Variants in HAGHL observed in about 807,000 individuals in gnomAD.
HAGHL encodes hydroxyacylglutathione hydrolase like.
Under a neutral mutation model 29.2 loss-of-function variants are expected in HAGHL, and 27 were observed. The observed-to-expected ratio is 0.92, with a 90% confidence interval of 0.68 to 1.27. The LOEUF (loss-of-function observed/expected upper bound fraction) is 1.27. HAGHL is among the 50% of genes most tolerant of loss of function. The pLI is 0.00. For missense variants in HAGHL, 529 were observed against 405.5 expected (o/e 1.30, Z -2.62); for synonymous variants, 223 against 185.7 (o/e 1.20, Z -1.63).
rs1273291340 is a variant in HAGHL, at chr16:727,360, G to A, written c.-150G>A. ...GCGAGTGCCGGGGAGTTCCTGGGGA[G>A]CCGGGCTTCTCTTTTGGCCCCCAGC... On this transcript the variant is annotated 5_prime_UTR_variant, in exon 1 of 8. Coordinates refer to ENST00000389703, the MANE Select transcript of HAGHL (RefSeq NM_032304.4). 9.1e-6 allele frequency: 5 copies of A among 552,356 alleles called. No homozygotes were observed. The highest frequency in any genetic ancestry group is 4.0e-5 in the African/African-American group (2 of 50,214). 34.2% of individuals were successfully genotyped at this position (552,356 alleles called of 1,614,324 possible).
At position 728,833 on chromosome 16, in the gene HAGHL, G is replaced by C. The variant is rs1369231195; in HGVS notation, c.538G>C (p.Glu180Gln). ...CGHEHTLSNLEFAQKVEPCND... is the reference protein window; with the variant it reads ...CGHEHTLSNLQFAQKVEPCND... ...CCACGAGCACACGCTTAGCAACCTG[G>C]AGTTTGCCCAGAAAGTGGAGCCCTG... The change falls in exon 6 of 8, where the codon GAG becomes CAG. Residue 180 changes from glutamate (E) to glutamine (Q), a missense_variant. Glu to Gln is a conservative substitution (Grantham distance 29, BLOSUM62 2). Transcript: ENST00000389703. 3 of 1,611,974 alleles carry C rather than the reference G, an allele frequency of 1.9e-6. No homozygotes were observed. The East Asian group carries it at 6.7e-5, about 36-fold the overall frequency.
intron 7 of HAGHL, 75 bp downstream of exon 7, chr16:729,163 G>A (rs1254049801): frequency 1.9e-6 from 3 of 1,583,422 alleles, no homozygotes; most frequent in Non-Finnish European, 2.6e-6. Flanking sequence ...CTGCGTGTTG[G>A]GCTGAGTGAG....
chr16:727,761 G>C (rs1001939682), intron 1 of HAGHL, 147 bp downstream of exon 1: 3 of 725,450 alleles, frequency 4.1e-6, no homozygotes, highest in African/African-American at 3.6e-5. Context: ...GCTCCCTGAA[G>C]TTACGGCACC....
Position 728,388 on chromosome 16 carries a change from G to A in HAGHL, c.361G>A (p.Glu121Lys). ...TAGHMSYFLW[E>K]DDCPDPPALF... ...CGGCCACATGAGCTACTTCCTGTGG[G>A]AGGACGATTGCCCGGACCCACCCGC... is the stretch of plus-strand genomic sequence containing the variant. The change falls in exon 4 of 8, where the codon GAG becomes AAG. Residue 121 changes from glutamate (E) to lysine (K), a missense_variant. Transcript: ENST00000389703. 1.3e-6 allele frequency: 2 copies of A among 1,576,716 alleles called. No individual in the cohort carries two copies. The highest frequency in any genetic ancestry group is 1.7e-6 in the Non-Finnish European group (2 of 1,165,150).
chr16:727,694 C>A, intron 1 of HAGHL, 80 bp downstream of exon 1: 1 of 946,298 alleles, frequency 1.1e-6, no homozygotes. Context: ...GAGCGAGCCC[C>A]CACGTGCTCT....
At position 729,550 on chromosome 16, in the gene HAGHL, G is replaced by C. The variant is rs1159260526; in HGVS notation, c.*94G>C. 6.5e-7 allele frequency: 1 copy of C among 1,532,900 alleles called. No homozygotes were observed. The highest frequency in any genetic ancestry group is 1.4e-5 in the African/African-American group (1 of 72,936). The allele number at this position is 1,532,900 out of a possible 1,614,324, so 95.0% of individuals were successfully genotyped here. A position where few individuals can be genotyped will look rare whatever the true frequency, so the allele number is the denominator to read the frequency against. On this transcript the variant is annotated 3_prime_UTR_variant, in exon 8 of 8. Coordinates refer to ENST00000389703, the MANE Select transcript of HAGHL (RefSeq NM_032304.4). ...GAGGGCCACCTCTGGAACCTTCTTC[G>C]AGGCCCTGGCCAGCCATCTGCCCAG...
chr16:728,670 G>A, intron 5 of HAGHL, 66 bp downstream of exon 5: 1 of 1,262,754 alleles, frequency 7.9e-7, no homozygotes, highest in Non-Finnish European at 1.1e-6. Flanking sequence ...CACCCTCACT[G>A]TGCTAGGGGT....
intron 7 of HAGHL, 68 bp downstream of exon 7, chr16:729,156 CGTGTTGGGCTGA>C (rs762235256): frequency 3.4e-5 from 54 of 1,586,130 alleles, no homozygotes; most frequent in South Asian, 4.4e-5. Flanking sequence ...CTGGGGACTG[CGTGTTGGGCTGA>C]GTGAGCATCT....
chr16:729,560 C>G lies in HAGHL; in HGVS notation c.*104C>G. On this transcript the variant is annotated 3_prime_UTR_variant, in exon 8 of 8. Coordinates refer to ENST00000389703, the MANE Select transcript of HAGHL (RefSeq NM_032304.4). ...TCTGGAACCTTCTTCGAGGCCCTGG[C>G]CAGCCATCTGCCCAGCCTCGGAGGG... 6.5e-7 allele frequency: 1 copy of G among 1,532,592 alleles called. No homozygotes were observed. The allele number at this position is 1,532,592 out of a possible 1,614,324, so 94.9% of individuals were successfully genotyped here. A position where few individuals can be genotyped will look rare whatever the true frequency, so the allele number is the denominator to read the frequency against.
At position 728,989 on chromosome 16, in the gene HAGHL, G is replaced by A. The variant is rs773143663; in HGVS notation, c.601-20G>A. 5.6e-6 allele frequency: 9 copies of A among 1,598,674 alleles called. No individual in the cohort carries two copies. Among genetic ancestry groups the A allele is most frequent in the Admixed American group, 5.1e-5 (3 of 58,288 alleles). On this transcript the variant is annotated intron_variant, in intron 6 of 7. Coordinates refer to ENST00000389703, the MANE Select transcript of HAGHL (RefSeq NM_032304.4). ...TCTCAGACAAGGCCTAATGGTGACC[G>A]GGGCCTGTGGTCACTCCAGAAGAGG...
Position 727,529 on chromosome 16 carries a change from C to G in HAGHL, c.20C>G (p.Pro7Arg), listed in dbSNP as rs982780683. 1 of 1,610,524 alleles carries G rather than the reference C, an allele frequency of 6.2e-7. No individual in the cohort carries two copies. Among genetic ancestry groups the G allele is most frequent in the Non-Finnish European group, 8.5e-7 (1 of 1,178,620 alleles). Residue 7 changes from proline to arginine, a missense_variant, in exon 1 of 8, where the codon CCC becomes CGC. Coordinates refer to ENST00000389703, the MANE Select transcript of HAGHL (RefSeq NM_032304.4). The stretch of plus-strand genomic sequence containing the variant: ...GTGACCATGAAGGTCAAGGTCATCC[C>G]CGTGCTCGAGGACAACTACATGTAC... MKVKVI[P>R]VLEDNYMYLV...
chr16:729,251 C>A, intron 7 of HAGHL, 37 bp from the exon 8 acceptor site: 1 of 1,528,564 alleles, frequency 6.5e-7, no homozygotes. Context: ...CCCGCGTGGG[C>A]AGCGGGCCCT....
At position 729,606 on chromosome 16, in the gene HAGHL, G is replaced by T. The variant is rs183595960; in HGVS notation, c.*150G>T. 3 of 1,529,972 alleles carry T rather than the reference G, an allele frequency of 2.0e-6. No individual in the cohort carries two copies. Among genetic ancestry groups the T allele is most frequent in the Non-Finnish European group, 1.7e-6 (2 of 1,144,738 alleles). The allele number at this position is 1,529,972 out of a possible 1,614,324, so 94.8% of individuals were successfully genotyped here. ...GAGGGTGGGCAACCTGGTGCTTCCC[G>T]GGTGGACACACAGGACCACTCAGTG... is the stretch of plus-strand genomic sequence containing the variant. On this transcript the variant is annotated 3_prime_UTR_variant, in exon 8 of 8. Transcript: ENST00000389703.
At position 728,900 on chromosome 16, in the gene HAGHL, G is replaced by A. The variant is rs372028014; in HGVS notation, c.600+5G>A. On this transcript the variant is annotated splice_donor_5th_base_variant and intron_variant, in intron 6 of 7. Coordinates refer to ENST00000389703, the MANE Select transcript of HAGHL (RefSeq NM_032304.4). Reference sequence around the variant, plus strand: ...GCCAAGCTGTCCTGGGCTAAGGCACGGCCCCTTTCCCGCCGCGGCAAGAGG... The same window carrying A: ...GCCAAGCTGTCCTGGGCTAAGGCACAGCCCCTTTCCCGCCGCGGCAAGAGG... 2 of 1,361,768 alleles carry A rather than the reference G, an allele frequency of 1.5e-6. No homozygotes were observed. The highest frequency in any genetic ancestry group is 1.5e-5 in the African/African-American group (1 of 66,352). The allele number at this position is 1,361,768 out of a possible 1,614,324, so 84.4% of individuals were successfully genotyped here.
In HAGHL at chr16:729,559, G is replaced by A; in HGVS notation, c.*103G>A. Reference sequence around the variant, plus strand: ...CTCTGGAACCTTCTTCGAGGCCCTGGCCAGCCATCTGCCCAGCCTCGGAGG... The same window carrying A: ...CTCTGGAACCTTCTTCGAGGCCCTGACCAGCCATCTGCCCAGCCTCGGAGG... On this transcript the variant is annotated 3_prime_UTR_variant, in exon 8 of 8. Coordinates refer to ENST00000389703, the MANE Select transcript of HAGHL (RefSeq NM_032304.4). 6.5e-7 allele frequency: 1 copy of A among 1,532,666 alleles called. No homozygotes were observed. Among genetic ancestry groups the A allele is most frequent in the African/African-American group, 1.4e-5 (1 of 73,054 alleles). 94.9% of individuals were successfully genotyped at this position (1,532,666 alleles called of 1,614,324 possible).
intron 5 of HAGHL, 66 bp from the exon 6 acceptor site, chr16:728,727 GC>G (rs1037854902): frequency 2.2e-5 from 33 of 1,476,830 alleles, no homozygotes; most frequent in Non-Finnish European, 3.0e-5. Flanking sequence ...GGGAGGCCAG[GC>G]CCCCGGCGCA....
In HAGHL at chr16:729,368, TC is replaced by T. The variant is rs1404817934; in HGVS notation, c.762del (p.Phe254LeufsTer23). On this transcript the variant is annotated frameshift_variant, in exon 8 of 8. Coordinates refer to ENST00000389703, the MANE Select transcript of HAGHL (RefSeq NM_032304.4). LOFTEE classifies it low-confidence loss of function (END_TRUNC). Reference sequence around the variant, plus strand: ...GCGCTATGCAAGGAGCGGGCGCGCTTCGAACAGGCGGGCGAGCCGCGGCAGC... The same window carrying T: ...GCGCTATGCAAGGAGCGGGCGCGCTTGAACAGGCGGGCGAGCCGCGGCAGC... ...LEALCKERAR[F>X]EQAGEPRQPQ... 3 of 1,530,624 alleles carry T rather than the reference TC, an allele frequency of 2.0e-6. No homozygotes were observed. The highest frequency in any genetic ancestry group is 2.6e-6 in the Non-Finnish European group (3 of 1,141,188). 94.8% of individuals were successfully genotyped at this position (1,530,624 alleles called of 1,614,324 possible). A position where few individuals can be genotyped will look rare whatever the true frequency, so the allele number is the denominator to read the frequency against.
chr16:727,439 C>A lies in HAGHL; in HGVS notation c.-71C>A. 3 of 909,414 alleles carry A rather than the reference C, an allele frequency of 3.3e-6. No homozygotes were observed. The highest frequency in any genetic ancestry group is 5.3e-6 in the Non-Finnish European group (3 of 569,060). The allele number at this position is 909,414 out of a possible 1,614,324, so 56.3% of individuals were successfully genotyped here. ...CTTCCTAGGGTGTGGAGAGCGGGCCCCGCCCTGAAGGGGCACCGTGGGCTG... is the reference window on the plus strand; with the variant it reads ...CTTCCTAGGGTGTGGAGAGCGGGCCACGCCCTGAAGGGGCACCGTGGGCTG... On this transcript the variant is annotated 5_prime_UTR_variant, in exon 1 of 8. Coordinates refer to ENST00000389703, the MANE Select transcript of HAGHL (RefSeq NM_032304.4).
Position 728,857 on chromosome 16 carries a change from T to C in HAGHL, c.562T>C (p.Cys188Arg), listed in dbSNP as rs149082510. ...NLEFAQKVEP[C>R]NDHVRAKLSW... ...GGAGTTTGCCCAGAAAGTGGAGCCC[T>C]GCAACGACCACGTGAGAGCCAAGCT... Residue 188 changes from cysteine (C) to arginine (R), a missense_variant, in exon 6 of 8, where the codon TGC becomes CGC. Transcript: ENST00000389703. 706 of 1,589,446 alleles carry C rather than the reference T, an allele frequency of 4.4e-4. 15 individuals are homozygous for C. The South Asian group carries it at 5.2e-3, about 12-fold the overall frequency.
Sources: gnomAD v4.1 joint callset for allele counts on GRCh38, gnomAD v4.1.1 for gene constraint, MANE v1.5 for transcripts, NCBI Gene and HGNC (gene_info 2026-07-23, HGNC 2026-07-21) for gene names.